ZMAT4: variants seen among roughly 807,000 people sequenced by gnomAD.
The protein encoded by ZMAT4 is zinc finger matrin-type protein 4.
A neutral mutation model predicts 28.7 loss-of-function variants in ZMAT4; 17 were observed. The observed-to-expected ratio is 0.59, with a 90% CI of 0.41 to 0.89. The LOEUF (loss-of-function observed/expected upper bound fraction) is 0.89. Ranked by LOEUF, ZMAT4 falls within the 40% of genes least tolerant of loss-of-function variation. The pLI, the probability that ZMAT4 is intolerant of heterozygous loss-of-function variation, is 0.00. For synonymous variants in ZMAT4, 117 were observed against 109.2 expected, an observed-to-expected ratio of 1.07 and a Z score of -0.44; for missense variants, 240 against 283.8, an observed-to-expected ratio of 0.85 and a Z score of 1.11.
At chr8:40,683,622 C>G (rs529398386) in intron 4 of ZMAT4, among the ~76,000 whole-genome samples, 1 of 152,214 alleles carries the variant, frequency 6.6e-6, no homozygotes, top group Non-Finnish European at 1.5e-5. Flanking sequence ...ACCAGTCAAT[C>G]AAATCATTCA....
At chr8:40,834,368 G>C (rs956420128) in intron 1 of ZMAT4, among the ~76,000 whole-genome samples, 2 of 152,036 alleles carry the variant, frequency 1.3e-5, no homozygotes, top group Admixed American at 1.3e-4. Context: ...AGACTCCAGG[G>C]GGCATGAGCA....
At chr8:40,666,773 C>T (rs1808432847) in intron 5 of ZMAT4, among the ~76,000 whole-genome samples, 1 of 152,080 alleles carries the variant, frequency 6.6e-6, no homozygotes, top group African/African-American at 2.4e-5. Context: ...CAAGTTTGAA[C>T]CGCATGGGTC....
intron 1 of ZMAT4, among the ~76,000 whole-genome samples, chr8:40,841,290 A>T (rs145547540): frequency 6.6e-6 from 1 of 152,152 alleles, no homozygotes. Context: ...AACCTGAGTA[A>T]CTGCTAACTC....
intron 6 of ZMAT4, among the ~76,000 whole-genome samples, chr8:40,556,372 G>C (rs966749452): frequency 1.3e-5 from 2 of 151,944 alleles, no homozygotes; most frequent in Non-Finnish European, 2.9e-5. Context: ...TCTCTCAAAC[G>C]AGCATTTCCT....
chr8:40,615,420 C>T (rs7822214), intron 5 of ZMAT4, among the ~76,000 whole-genome samples: 2 of 152,036 alleles, frequency 1.3e-5, no homozygotes, highest in East Asian at 1.9e-4. Flanking sequence ...TTGCTCTTCT[C>T]GAGAAGTATC....
At chr8:40,617,372 T>C (rs1219157446) in intron 5 of ZMAT4, among the ~76,000 whole-genome samples, 4 of 152,172 alleles carry the variant, frequency 2.6e-5, no homozygotes, top group Non-Finnish European at 4.4e-5. Context: ...GCAGGTATAT[T>C]TTAGACAAGA....
intron 6 of ZMAT4, among the ~76,000 whole-genome samples, chr8:40,573,089 A>C (rs1804150064): frequency 6.6e-6 from 1 of 152,128 alleles, no homozygotes; most frequent in South Asian, 2.1e-4. Flanking sequence ...AGAACAATAA[A>C]ATTTGTTGCT....
intron 1 of ZMAT4, among the ~76,000 whole-genome samples, chr8:40,876,032 T>C (rs1212933359): frequency 6.6e-6 from 1 of 152,150 alleles, no homozygotes; most frequent in African/African-American, 2.4e-5. Flanking sequence ...TTAGCTATAG[T>C]AAAGGGATTG....
At chr8:40,652,248 C>T (rs1439317800) in intron 5 of ZMAT4, among the ~76,000 whole-genome samples, 1 of 108,676 alleles carries the variant, frequency 9.2e-6, no homozygotes, top group Non-Finnish European at 2.0e-5. Context: ...AAAAAACAAA[C>T]AACCCCATCA....
intron 5 of ZMAT4, among the ~76,000 whole-genome samples, chr8:40,604,051 G>C (rs764886572): frequency 1.3e-5 from 2 of 152,202 alleles, no homozygotes; most frequent in African/African-American, 4.8e-5. Flanking sequence ...CAGTGCTACT[G>C]ATTTGTGTAC....
intron 1 of ZMAT4, among the ~76,000 whole-genome samples, chr8:40,866,155 C>A (rs1486917897): frequency 6.6e-6 from 1 of 152,244 alleles, no homozygotes; most frequent in Non-Finnish European, 1.5e-5. Context: ...AGTTCTTTCA[C>A]TTGAATTTGT....
chr8:40,736,434 C>T (rs1223238525), intron 3 of ZMAT4, among the ~76,000 whole-genome samples: 1 of 152,184 alleles, frequency 6.6e-6, no homozygotes, highest in African/African-American at 2.4e-5. Flanking sequence ...AGGTCTAGCT[C>T]ACAGTCTCAA....
At chr8:40,857,354 G>C (rs1817334642) in intron 1 of ZMAT4, among the ~76,000 whole-genome samples, 1 of 151,638 alleles carries the variant, frequency 6.6e-6, no homozygotes, top group Admixed American at 6.6e-5. Context: ...AACATAGCAA[G>C]ACCCTGTCTC....
intron 5 of ZMAT4, among the ~76,000 whole-genome samples, chr8:40,616,698 G>A: frequency 6.6e-6 from 1 of 152,082 alleles, no homozygotes; most frequent in Admixed American, 6.6e-5. Flanking sequence ...AGAACACTTG[G>A]ACACAGGAAG....
chr8:40,842,667 A>C (rs1816743901), intron 1 of ZMAT4, among the ~76,000 whole-genome samples: 1 of 152,194 alleles, frequency 6.6e-6, no homozygotes, highest in South Asian at 2.1e-4. Flanking sequence ...ACTTCTCATC[A>C]CTTAATTCCA....
intron 1 of ZMAT4, among the ~76,000 whole-genome samples, chr8:40,894,658 C>T (rs763469483): frequency 6.6e-6 from 1 of 152,082 alleles, no homozygotes; most frequent in Non-Finnish European, 1.5e-5. Context: ...CTTCACCCCA[C>T]CTTGAATACA....
chr8:40,818,799 G>T (rs186689144), intron 2 of ZMAT4, among the ~76,000 whole-genome samples: 1 of 152,154 alleles, frequency 6.6e-6, no homozygotes. Flanking sequence ...CAACTCTCAC[G>T]CATCAGAAGG....
chr8:40,683,886 A>C (rs1376880167), intron 4 of ZMAT4, among the ~76,000 whole-genome samples: 1 of 152,070 alleles, frequency 6.6e-6, no homozygotes, highest in African/African-American at 2.4e-5. Context: ...GCAACATGGC[A>C]AAACCCAGTC....
At chr8:40,828,113 T>C (rs1042281863) in intron 1 of ZMAT4, among the ~76,000 whole-genome samples, 14 of 152,184 alleles carry the variant, frequency 9.2e-5, no homozygotes, top group African/African-American at 3.4e-4. Flanking sequence ...GGCAAAGGAT[T>C]GCCAATTCCA....
Sources: gnomAD v4.1 joint callset for allele counts (sites outside exome capture counted in the v4.1 genomes callset) on GRCh38, gnomAD v4.1.1 for gene constraint, MANE v1.5 for transcripts, NCBI Gene and HGNC (gene_info 2026-07-23, HGNC 2026-07-21) for gene names.